ENTREP2: variants seen among roughly 807,000 people sequenced by gnomAD.
ENTREP2 encodes the protein endosomal transmembrane epsin interactor 2, also known as protein ENTREP2.
chr15:29,223,921 T>A, the ENTREP2 span, among the ~76,000 whole-genome samples: 2 of 152,146 alleles, frequency 1.3e-5, no homozygotes, highest in Non-Finnish European at 2.9e-5. Context: ...GTCTGAAGCT[T>A]GCCCGCCCCC....
chr15:29,668,393 C>T, the ENTREP2 span, among the ~76,000 whole-genome samples: 2 of 152,266 alleles, frequency 1.3e-5, no homozygotes, highest in African/African-American at 2.4e-5. Flanking sequence ...TACCGTGACC[C>T]GGCAATTCCA....
chr15:29,642,508 T>TA, the ENTREP2 span, among the ~76,000 whole-genome samples: 105 of 134,864 alleles, frequency 7.8e-4, no homozygotes, highest in African/African-American at 2.6e-3. Context: ...CACATATATA[T>TA]CATATATACA....
chr15:29,656,022 T>TAAAAAAA, the ENTREP2 span, among the ~76,000 whole-genome samples: 3 of 100,398 alleles, frequency 3.0e-5, no homozygotes, highest in Admixed American at 1.1e-4. Flanking sequence ...ACACTCCGTT[T>TAAAAAAA]AAAAAAAAAA....
chr15:29,656,086 A>C, the ENTREP2 span, among the ~76,000 whole-genome samples: 47 of 152,190 alleles, frequency 3.1e-4, no homozygotes, highest in African/African-American at 1.1e-3. Flanking sequence ...AAGAGCAGAA[A>C]GAACAAAGCT....
At chr15:29,290,020 C>T in the ENTREP2 span, among the ~76,000 whole-genome samples, 16 of 152,174 alleles carry the variant, frequency 1.1e-4, no homozygotes, top group Non-Finnish European at 1.5e-5. Context: ...CTAAATGCGG[C>T]AACATGAATG....
chr15:29,387,009 G>A, the ENTREP2 span, among the ~76,000 whole-genome samples: 1 of 152,106 alleles, frequency 6.6e-6, no homozygotes, highest in East Asian at 1.9e-4. Flanking sequence ...CTGCCTGACT[G>A]CCCTGGCCAG....
At chr15:29,366,929 A>T in the ENTREP2 span, among the ~76,000 whole-genome samples, 3 of 152,204 alleles carry the variant, frequency 2.0e-5, no homozygotes, top group Admixed American at 6.5e-5. Flanking sequence ...GATACAATGT[A>T]TTTATTTTTT....
chr15:29,442,351 G>A, the ENTREP2 span, among the ~76,000 whole-genome samples: 2 of 152,206 alleles, frequency 1.3e-5, no homozygotes, highest in South Asian at 2.1e-4. Context: ...GGAAGACCGT[G>A]TGCAACTATC....
At chr15:29,385,792 T>C in the ENTREP2 span, among the ~76,000 whole-genome samples, 1 of 152,108 alleles carries the variant, frequency 6.6e-6, no homozygotes, top group Non-Finnish European at 1.5e-5. Flanking sequence ...CCTGTTTTCA[T>C]GCCCAAATGT....
chr15:29,236,947 C>T, the ENTREP2 span, among the ~76,000 whole-genome samples: 2 of 152,048 alleles, frequency 1.3e-5, no homozygotes, highest in Non-Finnish European at 2.9e-5. Context: ...AAACCAATAC[C>T]TCTCGTGAAC....
At chr15:29,229,622 C>T in the ENTREP2 span, among the ~76,000 whole-genome samples, 1 of 152,152 alleles carries the variant, frequency 6.6e-6, no homozygotes, top group Non-Finnish European at 1.5e-5. Flanking sequence ...GAGTTGGTAT[C>T]ATTGCTTCAC....
the ENTREP2 span, among the ~76,000 whole-genome samples, chr15:29,538,446 T>C: frequency 7.2e-5 from 11 of 152,074 alleles, no homozygotes; most frequent in East Asian, 2.1e-3. Flanking sequence ...AGTGAGGGCA[T>C]GAAGAGAGGA....
the ENTREP2 span, among the ~76,000 whole-genome samples, chr15:29,402,645 C>T: frequency 6.6e-6 from 1 of 152,142 alleles, no homozygotes; most frequent in South Asian, 2.1e-4. Context: ...GAAACGTTCA[C>T]ACTAAGTGAA....
At chr15:29,377,066 C>T in the ENTREP2 span, 2 of 152,176 alleles carry the variant, frequency 1.3e-5, no homozygotes, top group African/African-American at 4.8e-5. Context: ...GTGTGCCCCC[C>T]TGGGAATGAA....
the ENTREP2 span, chr15:29,118,453 TG>T: frequency 6.6e-6 from 1 of 152,234 alleles, no homozygotes; most frequent in Non-Finnish European, 1.5e-5. Flanking sequence ...TCCTGAACCT[TG>T]GAAGCTGTCA....
chr15:29,296,431 A>G, the ENTREP2 span, among the ~76,000 whole-genome samples: 1 of 152,206 alleles, frequency 6.6e-6, no homozygotes, highest in Non-Finnish European at 1.5e-5. Context: ...CCTATTTTAA[A>G]AAACACATGA....
At chr15:29,479,751 G>C in the ENTREP2 span, among the ~76,000 whole-genome samples, 2 of 151,996 alleles carry the variant, frequency 1.3e-5, no homozygotes, top group African/African-American at 4.8e-5. Flanking sequence ...TCTAGCCACA[G>C]AGGTCAAGTC....
At chr15:29,351,850 C>T in the ENTREP2 span, among the ~76,000 whole-genome samples, 57 of 151,994 alleles carry the variant, frequency 3.8e-4, no homozygotes, top group African/African-American at 1.3e-3. Context: ...GGGGGTTTCA[C>T]TTTGTTGCCA....
the ENTREP2 span, among the ~76,000 whole-genome samples, chr15:29,633,820 G>A: frequency 3.3e-5 from 5 of 152,244 alleles, no homozygotes; most frequent in East Asian, 5.8e-4. Context: ...TTCACTGGGC[G>A]TGGTGACGGG....
Sources: gnomAD v4.1 joint callset for allele counts (sites outside exome capture counted in the v4.1 genomes callset) on GRCh38, gnomAD v4.1.1 for gene constraint, MANE v1.5 for transcripts, NCBI Gene and HGNC (gene_info 2026-07-23, HGNC 2026-07-21) for gene names.